RANBP2: variants seen among roughly 807,000 people sequenced by gnomAD.
RANBP2 encodes the protein RAN binding protein 2.
A neutral mutation model predicts 303.6 loss-of-function variants in RANBP2; 57 were observed. That is an observed-to-expected ratio of 0.19 (90% CI 0.15 to 0.23). The LOEUF (loss-of-function observed/expected upper bound fraction) is 0.23, where lower values mean the gene tolerates loss of function less well. Among genes scored for constraint, RANBP2 ranks in the 10% least tolerant of loss-of-function variants. The probability of loss-of-function intolerance (pLI) is 1.00; values close to 1 mark genes in which losing one functional copy is unlikely to be tolerated. For synonymous variants in RANBP2, 1,167 were observed against 1,301.5 expected (o/e 0.90, Z 2.23); for missense variants, 3,138 against 3,780.8 (o/e 0.83, Z 4.46).
chr2:109,569,510 G>A, the RANBP2 span, among the ~76,000 whole-genome samples: 1 of 149,350 alleles, frequency 6.7e-6, no homozygotes, highest in Admixed American at 6.7e-5. Context: ...ATTTCACATT[G>A]ATGCCAAGTA....
the RANBP2 span, among the ~76,000 whole-genome samples, chr2:109,437,640 C>T: frequency 6.6e-6 from 1 of 152,136 alleles, no homozygotes. Context: ...GACTCGGGCC[C>T]AGGCTCTTCC....
At chr2:109,041,578 A>T in the RANBP2 span, among the ~76,000 whole-genome samples, 1 of 147,444 alleles carries the variant, frequency 6.8e-6, no homozygotes. Context: ...GCTGCAGTGC[A>T]GTGGCTCGAT....
At chr2:109,073,691 GAAGAA>G in the RANBP2 span, among the ~76,000 whole-genome samples, 39 of 149,384 alleles carry the variant, frequency 2.6e-4, 1 homozygote, top group Admixed American at 2.6e-3. Flanking sequence ...AAGAGAGAGA[GAAGAA>G]AAGAAAAAAG....
At chr2:108,856,362 G>C in the RANBP2 span, among the ~76,000 whole-genome samples, 2 of 152,148 alleles carry the variant, frequency 1.3e-5, no homozygotes, top group African/African-American at 4.8e-5. Context: ...TAGCACGTTT[G>C]TATAAATTAC....
At position 108,753,454 on chromosome 2, in the gene RANBP2, A is replaced by G; in HGVS notation, c.1946A>G (p.Asp649Gly). The G allele has an allele frequency of 6.2e-7, 1 of 1,611,892 alleles. No homozygotes were observed. The highest frequency in any genetic ancestry group is 8.5e-7 in the Non-Finnish European group (1 of 1,179,796). ...QASEIVEYEE[D>G]AHITFAILDA... ...TCAGAAATTGTTGAATATGAAGAAG[A>G]CGCACACATAACTTTTGCTATATTG... Residue 649 changes from aspartate (D) to glycine (G), a missense_variant, in exon 14 of 29, where the codon GAC (aspartate) becomes GGC (glycine). By Grantham distance (94) the Asp-to-Gly change is moderately conservative. Transcript: ENST00000283195.
At chr2:109,239,634 G>A in the RANBP2 span, among the ~76,000 whole-genome samples, 33 of 152,294 alleles carry the variant, frequency 2.2e-4, 1 homozygote, top group Admixed American at 1.7e-3. Context: ...ATAACAGGGA[G>A]GAAAGAGAGG....
At chr2:109,276,606 A>AT in the RANBP2 span, among the ~76,000 whole-genome samples, 6 of 152,220 alleles carry the variant, frequency 3.9e-5, no homozygotes, top group African/African-American at 1.4e-4. Flanking sequence ...TGGCATGCTT[A>AT]TTATTGTTTT....
chr2:108,919,733 T>C, the RANBP2 span, among the ~76,000 whole-genome samples: 4 of 152,262 alleles, frequency 2.6e-5, no homozygotes, highest in African/African-American at 9.6e-5. Flanking sequence ...GTTTGAACTG[T>C]AGCCGGGCCA....
the RANBP2 span, among the ~76,000 whole-genome samples, chr2:108,880,214 CAA>C: frequency 1.4e-3 from 9 of 6,664 alleles, no homozygotes; most frequent in African/African-American, 2.4e-3. Flanking sequence ...CAACAACAAA[CAA>C]AAACAAACAA....
At chr2:108,913,604 G>T in the RANBP2 span, among the ~76,000 whole-genome samples, 2 of 152,100 alleles carry the variant, frequency 1.3e-5, no homozygotes, top group East Asian at 1.9e-4. Context: ...TGAAATAATA[G>T]CTTCTTGATT....
chr2:108,881,121 G>C, the RANBP2 span, among the ~76,000 whole-genome samples: 3 of 152,188 alleles, frequency 2.0e-5, no homozygotes, highest in African/African-American at 4.8e-5. Flanking sequence ...TCCAATAGAA[G>C]GCTGTTTCAT....
chr2:109,338,235 G>T, the RANBP2 span, among the ~76,000 whole-genome samples: 3 of 152,090 alleles, frequency 2.0e-5, 1 homozygote, highest in African/African-American at 7.2e-5. Flanking sequence ...CTCACATTTA[G>T]GATCCCTGTG....
chr2:109,157,769 G>T, the RANBP2 span, among the ~76,000 whole-genome samples: 7 of 152,136 alleles, frequency 4.6e-5, no homozygotes, highest in African/African-American at 1.7e-4. Context: ...CAGGGACTTT[G>T]CCCTCATCAT....
At chr2:109,418,670 C>G in the RANBP2 span, among the ~76,000 whole-genome samples, 2 of 152,166 alleles carry the variant, frequency 1.3e-5, no homozygotes, top group Non-Finnish European at 2.9e-5. Flanking sequence ...TGCAAAGACC[C>G]CTATTCCAGA....
At chr2:108,880,537 A>G in the RANBP2 span, among the ~76,000 whole-genome samples, 2 of 152,190 alleles carry the variant, frequency 1.3e-5, no homozygotes, top group Non-Finnish European at 2.9e-5. Context: ...TTCAAAGGAC[A>G]GGCTGACTCT....
At chr2:109,287,729 G>T in the RANBP2 span, among the ~76,000 whole-genome samples, 1 of 152,200 alleles carries the variant, frequency 6.6e-6, no homozygotes, top group Non-Finnish European at 1.5e-5. Flanking sequence ...TCTGCACAGA[G>T]CTCTTCTCTG....
chr2:109,014,294 G>A, the RANBP2 span, among the ~76,000 whole-genome samples: 3 of 152,188 alleles, frequency 2.0e-5, no homozygotes, highest in African/African-American at 7.2e-5. Flanking sequence ...CCACGCTGTG[G>A]TGAAGACCAG....
the RANBP2 span, among the ~76,000 whole-genome samples, chr2:109,052,476 T>C: frequency 6.6e-6 from 1 of 152,254 alleles, no homozygotes; most frequent in African/African-American, 2.4e-5. Flanking sequence ...GTGTAAGCTT[T>C]GCCTCAACAT....
the RANBP2 span, among the ~76,000 whole-genome samples, chr2:109,747,783 TTTTGG>T: frequency 3.5e-5 from 5 of 142,022 alleles, no homozygotes; most frequent in African/African-American, 1.4e-4. Flanking sequence ...CACACTAAAC[TTTTGG>T]TTCAGTTTGG....
Sources: gnomAD v4.1 joint callset for allele counts (sites outside exome capture counted in the v4.1 genomes callset) on GRCh38, gnomAD v4.1.1 for gene constraint, MANE v1.5 for transcripts, NCBI Gene and HGNC (gene_info 2026-07-23, HGNC 2026-07-21) for gene names.